KIAA1217: variants seen among roughly 807,000 people sequenced by gnomAD.
The protein encoded by KIAA1217 is KIAA1217.
A neutral mutation model predicts 163.9 loss-of-function variants in KIAA1217; 88 were observed. The ratio of observed to expected loss-of-function variants is 0.54; its 90% CI spans 0.45 to 0.64. The LOEUF is 0.64. KIAA1217 is among the 30% of genes least tolerant of loss of function. The pLI is 0.00. For synonymous variants in KIAA1217, 903 were observed against 923.1 expected (o/e 0.98, Z 0.39); for missense variants, 2,372 against 2,475.0 (o/e 0.96, Z 0.88).
At chr10:24,120,471 C>T (rs1458832711) in intron 2 of KIAA1217, among the ~76,000 whole-genome samples, 2 of 152,178 alleles carry the variant, frequency 1.3e-5, no homozygotes, top group Non-Finnish European at 2.9e-5. Context: ...CTTAAGAATT[C>T]GTGCTTCTTG....
At chr10:24,487,782 C>T (rs2065595385) in intron 6 of KIAA1217, among the ~76,000 whole-genome samples, 1 of 152,230 alleles carries the variant, frequency 6.6e-6, no homozygotes, top group South Asian at 2.1e-4. Context: ...GAAGGTTTCC[C>T]CCAACTCTGT....
chr10:23,789,330 A>C (rs1835634391), intron 1 of KIAA1217, among the ~76,000 whole-genome samples: 1 of 152,218 alleles, frequency 6.6e-6, no homozygotes, highest in Non-Finnish European at 1.5e-5. Flanking sequence ...TGATTATCTG[A>C]AAACAAAAAC....
intron 2 of KIAA1217, among the ~76,000 whole-genome samples, chr10:24,041,365 A>C (rs986958957): frequency 3.3e-5 from 5 of 152,226 alleles, no homozygotes; most frequent in African/African-American, 1.2e-4. Flanking sequence ...TCAGCCTTGA[A>C]AAATGTGACC....
chr10:24,516,083 G>GAAGA (rs1158815950), intron 10 of KIAA1217, among the ~76,000 whole-genome samples: 1 of 152,168 alleles, frequency 6.6e-6, no homozygotes, highest in Non-Finnish European at 1.5e-5. Flanking sequence ...AAACAAGAAA[G>GAAGA]AAGAAAGAAA....
At chr10:24,147,901 C>T (rs11013919) in intron 2 of KIAA1217, among the ~76,000 whole-genome samples, 2,813 of 149,996 alleles carry the variant, frequency 0.019, 34 homozygotes, top group Middle Eastern at 0.059. Context: ...AACTTTCTAC[C>T]CTGTGTCTAG....
chr10:23,957,976 A>G (rs148797282), intron 1 of KIAA1217, among the ~76,000 whole-genome samples: 1 of 152,342 alleles, frequency 6.6e-6, no homozygotes, highest in East Asian at 1.9e-4. Flanking sequence ...CTATTCGACA[A>G]ATAAATGAAA....
chr10:24,436,997 T>A (rs2131932360), intron 4 of KIAA1217, among the ~76,000 whole-genome samples: 1 of 152,270 alleles, frequency 6.6e-6, no homozygotes, highest in East Asian at 1.9e-4. Flanking sequence ...GTTGTAAATG[T>A]TGCCACAGTA....
At chr10:24,452,542 C>T (rs905472487) in intron 5 of KIAA1217, among the ~76,000 whole-genome samples, 7 of 150,548 alleles carry the variant, frequency 4.6e-5, no homozygotes, top group Non-Finnish European at 7.4e-5. Flanking sequence ...ATTAGCTGGG[C>T]GTGGTGGCGG....
chr10:24,415,110 CTTTT>C (rs71397948), intron 3 of KIAA1217, among the ~76,000 whole-genome samples: 2 of 120,268 alleles, frequency 1.7e-5, no homozygotes, highest in African/African-American at 3.4e-5. Flanking sequence ...TGATCTCTCT[CTTTT>C]TTTTTTTTTT....
chr10:24,268,073 G>A (rs1399546800), intron 2 of KIAA1217, among the ~76,000 whole-genome samples: 1 of 152,164 alleles, frequency 6.6e-6, no homozygotes, highest in Non-Finnish European at 1.5e-5. Flanking sequence ...CTAACAGTAA[G>A]CTACGCGGGC....
chr10:24,402,402 A>G (rs546512727), intron 3 of KIAA1217, among the ~76,000 whole-genome samples: 8 of 151,934 alleles, frequency 5.3e-5, no homozygotes, highest in Admixed American at 4.6e-4. Flanking sequence ...CCAACTACTC[A>G]GGAGGCTGAG....
chr10:23,889,281 G>A (rs1408076809), intron 1 of KIAA1217, among the ~76,000 whole-genome samples: 1 of 151,830 alleles, frequency 6.6e-6, no homozygotes, highest in Non-Finnish European at 1.5e-5. Flanking sequence ...TGAAATGTAT[G>A]AGAGTTTCAG....
At chr10:24,373,639 G>C (rs565070472) in intron 2 of KIAA1217, among the ~76,000 whole-genome samples, 3 of 152,298 alleles carry the variant, frequency 2.0e-5, no homozygotes, top group African/African-American at 7.2e-5. Context: ...AATACTCTAT[G>C]GAGAGTATTT....
In KIAA1217 at chr10:24,226,716, C is replaced by A. The variant is rs192280655; in HGVS notation, c.354+6807C>A. ...CCAGAGCATATTAAATAACCAATAA[C>A]CATAGAAAATAGATTCCTATCTGTA... On this transcript the variant is annotated intron_variant, in intron 2 of 20. Coordinates refer to ENST00000376454, the MANE Select transcript of KIAA1217 (RefSeq NM_019590.5). Among the ~76,000 whole-genome samples, 3 of 152,048 alleles carry A rather than the reference C, an allele frequency of 2.0e-5. No homozygotes were observed. In the East Asian group the frequency reaches 5.8e-4, roughly 29 times the overall value.
At chr10:23,818,010 CACACATATATAT>C (rs1564447972) in intron 1 of KIAA1217, among the ~76,000 whole-genome samples, 3 of 79,754 alleles carry the variant, frequency 3.8e-5, no homozygotes, top group East Asian at 3.3e-4. Context: ...TATATATATA[CACACATATATAT>C]ACACACATAT....
intron 9 of KIAA1217, among the ~76,000 whole-genome samples, chr10:24,507,803 A>C (rs954042030): frequency 2.0e-5 from 3 of 152,224 alleles, no homozygotes; most frequent in Non-Finnish European, 4.4e-5. Flanking sequence ...ACCAAAGCAC[A>C]TGGTAGTCAA....
chr10:24,112,276 AG>A (rs2062877585), intron 2 of KIAA1217, among the ~76,000 whole-genome samples: 1 of 152,232 alleles, frequency 6.6e-6, no homozygotes, highest in African/African-American at 2.4e-5. Flanking sequence ...CACAAAATTA[AG>A]GCTACCTCTA....
rs77617823 is a variant in KIAA1217 at position 23,779,361 on chromosome 10, T to G, written c.-321+84127T>G. ...TCTTTCTTCATCGTCTCCCTTTGTCTGGAGTTAGTCAGGATGGCAACTTCA... is the reference window on the plus strand; with the variant it reads ...TCTTTCTTCATCGTCTCCCTTTGTCGGGAGTTAGTCAGGATGGCAACTTCA... On this transcript the variant is annotated intron_variant, in intron 1 of 18. Transcript: ENST00000376462. Among the ~76,000 whole-genome samples, 721 of 152,340 alleles carry G rather than the reference T, an allele frequency of 4.7e-3. 2 individuals carry two copies. The highest frequency in any genetic ancestry group is 0.017 in the African/African-American group (696 of 41,582).
chr10:23,909,959 C>T (rs137906938), intron 1 of KIAA1217, among the ~76,000 whole-genome samples: 12 of 152,078 alleles, frequency 7.9e-5, no homozygotes, highest in Non-Finnish European at 1.3e-4. Flanking sequence ...CAGCATCTGT[C>T]GTTTCCTGAC....
Sources: allele counts gnomAD v4.1 joint callset (sites outside exome capture counted in the v4.1 genomes callset), GRCh38; gene constraint gnomAD v4.1.1; transcripts MANE v1.5; gene names NCBI Gene and HGNC (gene_info 2026-07-23, HGNC 2026-07-21).